The following FNDC7 variants were observed in gnomAD, a reference collection of about 807,000 sequenced individuals.
The protein encoded by FNDC7 is fibronectin type III domain-containing protein 7.
A neutral mutation model predicts 74.2 loss-of-function variants in FNDC7; 66 were observed. The observed-to-expected ratio is 0.89, with a 90% CI of 0.73 to 1.09. FNDC7 has a LOEUF of 1.09. Among genes scored for constraint, FNDC7 ranks in the 50% least tolerant of loss-of-function variants. The pLI is 0.00. For missense variants in FNDC7, 829 were observed against 893.4 expected, an observed-to-expected ratio of 0.93 and a Z score of 0.92; for synonymous variants, 307 against 330.2, an observed-to-expected ratio of 0.93 and a Z score of 0.76.
At chr1:108,719,097 G>A (rs1661038318) in intron 4 of FNDC7, 48 bp downstream of exon 4, 14 of 1,545,068 alleles carry the variant, frequency 9.1e-6, no homozygotes, top group Non-Finnish European at 1.1e-5. Context: ...TTTGATTAAT[G>A]AGGGGGGCTG....
intron 1 of FNDC7, 58 bp downstream of exon 1, chr1:108,713,054 A>C: frequency 1.4e-6 from 2 of 1,449,756 alleles, no homozygotes; most frequent in Non-Finnish European, 1.9e-6. Flanking sequence ...AAGACACATT[A>C]TTTTTCTCTC....
Position 108,730,563 on chromosome 1 carries a change from G to A in FNDC7, c.1625-111G>A, listed in dbSNP as rs979858806. 36 of 1,211,978 alleles carry A rather than the reference G, an allele frequency of 3.0e-5. 1 individual carries two copies. Among genetic ancestry groups the A allele is most frequent in the Non-Finnish European group, 1.1e-5 (10 of 879,740 alleles). The allele number at this position is 1,211,978 out of a possible 1,614,324, so 75.1% of individuals were successfully genotyped here. A position where few individuals can be genotyped will look rare whatever the true frequency, so the allele number is the denominator to read the frequency against. ...TTTTTATTAACAATGGAAAGTTGGG[G>A]AATGTAGGATATTGAGTGAAACACA... On this transcript the variant is annotated intron_variant, in intron 8 of 12. Coordinates refer to ENST00000370017, the MANE Select transcript of FNDC7 (RefSeq NM_001144937.3).
intron 9 of FNDC7, among the ~76,000 whole-genome samples, chr1:108,732,141 C>A (rs994985198): frequency 6.6e-6 from 1 of 151,986 alleles, no homozygotes; most frequent in Non-Finnish European, 1.5e-5. Context: ...AGGCGGATCA[C>A]GAGGTCAGGA....
intron 6 of FNDC7, among the ~76,000 whole-genome samples, chr1:108,727,602 A>G (rs1661247055): frequency 6.6e-6 from 1 of 152,092 alleles, no homozygotes; most frequent in Non-Finnish European, 1.5e-5. Flanking sequence ...ATAGCTTGCA[A>G]TGACCTTCAA....
chr1:108,734,096 C>T (rs562936695), intron 10 of FNDC7, among the ~76,000 whole-genome samples: 1 of 152,238 alleles, frequency 6.6e-6, no homozygotes, highest in African/African-American at 2.4e-5. Context: ...ATGCTTGCTG[C>T]TTAATTAGTA....
At chr1:108,714,763 C>T (rs945519605) in intron 2 of FNDC7, among the ~76,000 whole-genome samples, 8 of 151,734 alleles carry the variant, frequency 5.3e-5, no homozygotes, top group African/African-American at 1.9e-4. Context: ...CCGCCACTAC[C>T]CCCGGCTAAT....
rs781673235 is a variant in FNDC7, at chr1:108,733,307, C to T, written c.1915C>T (p.Leu639=). 6.2e-7 allele frequency: 1 copy of T among 1,614,058 alleles called. No individual in the cohort carries two copies. The highest frequency in any genetic ancestry group is 8.5e-7 in the Non-Finnish European group (1 of 1,179,976). The change falls in exon 10 of 13, where the codon CTG becomes TTG. Residue 639 remains leucine (L), a synonymous_variant. Coordinates refer to ENST00000370017, the MANE Select transcript of FNDC7 (RefSeq NM_001144937.3). Reference sequence around the variant, plus strand: ...CCCTTTGGGGGTGAAATTATATAGGCTGGGCCCTAATGGCATCCGGATCTA... The same window carrying T: ...CCCTTTGGGGGTGAAATTATATAGGTTGGGCCCTAATGGCATCCGGATCTA... ...CCPLGVKLYR[L]GPNGIRIYWQ...
At chr1:108,736,963 C>CTTT (rs1173562405) in intron 10 of FNDC7, among the ~76,000 whole-genome samples, 2,839 of 99,310 alleles carry the variant, frequency 0.029, 212 homozygotes, top group African/African-American at 0.076. Context: ...GCTTGGCATT[C>CTTT]TTTTTTTTTT....
chr1:108,728,947 G>A lies in FNDC7; in HGVS notation c.1624+61G>A, dbSNP rs1227304229. 4.4e-6 allele frequency: 7 copies of A among 1,573,176 alleles called. No individual in the cohort carries two copies. The East Asian group carries it at 1.6e-4, about 36-fold the overall frequency. On this transcript the variant is annotated intron_variant, in intron 8 of 12. Transcript: ENST00000370017. ...GTGGGGTCCTTATGGAGTGTTTCAA[G>A]ACATGAACTTCCTTATTTAATCTAC...
At chr1:108,741,695 TCA>T in intron 11 of FNDC7, 76 bp from the exon 12 acceptor site, 1 of 1,450,178 alleles carries the variant, frequency 6.9e-7, no homozygotes, top group Non-Finnish European at 9.6e-7. Context: ...ACATAAAATC[TCA>T]GACACTGGTG....
rs1660914024 is a variant in FNDC7 at position 108,713,510 on chromosome 1, G to A, written c.64-1G>A. The A allele has an allele frequency of 6.5e-7, 1 of 1,549,140 alleles. No homozygotes were observed. The highest frequency in any genetic ancestry group is 1.4e-5 in the African/African-American group (1 of 72,892). ...CTAATTTTCCAAACTTTCCTTTTCA[G>A]GTTGCTTCAGCAAAATCAGGTACAA... On this transcript the variant is annotated splice_acceptor_variant, in intron 1 of 12. Coordinates refer to ENST00000370017, the MANE Select transcript of FNDC7 (RefSeq NM_001144937.3). LOFTEE classifies it high-confidence loss of function.
chr1:108,742,613 G>A lies in FNDC7; in HGVS notation c.*726G>A, dbSNP rs765554506. Reference sequence around the variant, plus strand: ...AAATGGAGAGCCTCAAACTGTGGCCGACTGACATGCGTGCATCTTTTGGGG... The same window carrying A: ...AAATGGAGAGCCTCAAACTGTGGCCAACTGACATGCGTGCATCTTTTGGGG... On this transcript the variant is annotated 3_prime_UTR_variant, in exon 13 of 13. Transcript: ENST00000370017. The A allele has an allele frequency of 4.7e-5, 7 of 150,086 alleles. No homozygotes were observed. The highest frequency in any genetic ancestry group is 7.4e-5 in the Non-Finnish European group (5 of 68,018). The allele number at this position is 150,086 out of a possible 1,614,324, so 9.3% of individuals were successfully genotyped here.
chr1:108,736,970 T>TG, intron 10 of FNDC7, among the ~76,000 whole-genome samples: 1 of 142,028 alleles, frequency 7.0e-6, no homozygotes, highest in East Asian at 2.0e-4. Context: ...ATTCTTTTTT[T>TG]TTTTTTTTTT....
At chr1:108,713,298 C>T in intron 1 of FNDC7, 1 of 607,710 alleles carries the variant, frequency 1.6e-6, no homozygotes, top group Non-Finnish European at 2.9e-6. Context: ...TGGGATCTGC[C>T]TCCAGCCTCT....
At chr1:108,719,935 A>G (rs1180833320) in intron 4 of FNDC7, among the ~76,000 whole-genome samples, 1 of 152,190 alleles carries the variant, frequency 6.6e-6, no homozygotes, top group Non-Finnish European at 1.5e-5. Flanking sequence ...GTTCTCTCCA[A>G]CTTTCCCTAA....
At chr1:108,723,987 G>T (rs921311424) in intron 5 of FNDC7, among the ~76,000 whole-genome samples, 1 of 152,206 alleles carries the variant, frequency 6.6e-6, no homozygotes. Flanking sequence ...TCATAGGGAT[G>T]ACCTTGACTT....
chr1:108,742,377 T>A lies in FNDC7; in HGVS notation c.*490T>A, dbSNP rs1408176676. ...TCCCAAGACAAACCTCCAGCAGGAC[T>A]TCAGTATAGGTTGGAAAGCAGTAGC... On this transcript the variant is annotated 3_prime_UTR_variant, in exon 13 of 13. Coordinates refer to ENST00000370017, the MANE Select transcript of FNDC7 (RefSeq NM_001144937.3). The A allele has an allele frequency of 6.5e-6, 1 of 153,046 alleles. No homozygotes were observed. Among genetic ancestry groups the A allele is most frequent in the African/African-American group, 2.4e-5 (1 of 41,430 alleles). 9.5% of individuals were successfully genotyped at this position (153,046 alleles called of 1,614,324 possible). A position where few individuals can be genotyped will look rare whatever the true frequency, so the allele number is the denominator to read the frequency against.
chr1:108,738,194 C>T (rs1199756696), intron 11 of FNDC7, among the ~76,000 whole-genome samples: 3 of 152,166 alleles, frequency 2.0e-5, no homozygotes, highest in Non-Finnish European at 4.4e-5. Flanking sequence ...TAACGGCCTG[C>T]AGAGAGCTAC....
Position 108,718,335 on chromosome 1 carries a change from G to A in FNDC7, c.337+304G>A, listed in dbSNP as rs1246196444. 2.6e-5 allele frequency among the ~76,000 whole-genome samples: 4 copies of A among 152,168 alleles called. No homozygotes were observed. In the East Asian group the frequency reaches 5.8e-4, roughly 22 times the overall value. Reference sequence around the variant, plus strand: ...TTTAACACGCCAAATGAAGAACACAGAGAAGGGATTTTGCTGCACTCTGAC... The same window carrying A: ...TTTAACACGCCAAATGAAGAACACAAAGAAGGGATTTTGCTGCACTCTGAC... On this transcript the variant is annotated intron_variant, in intron 3 of 12. Transcript: ENST00000370017.
Sources: allele counts gnomAD v4.1 joint callset (sites outside exome capture counted in the v4.1 genomes callset), GRCh38; gene constraint gnomAD v4.1.1; transcripts MANE v1.5; gene names NCBI Gene and HGNC (gene_info 2026-07-23, HGNC 2026-07-21).